The following ZNF350 variants were observed in gnomAD, a reference collection of about 807,000 sequenced individuals.
ZNF350 encodes the protein zinc finger protein 350.
ZNF350 carries 5 observed loss-of-function variants against 13.1 expected under a neutral mutation model. The observed-to-expected ratio is 0.38, with a 90% CI of 0.20 to 0.80. The LOEUF is 0.80. ZNF350 is among the 30% of genes least tolerant of loss of function. The probability of loss-of-function intolerance (pLI) is 0.43; values close to 1 mark genes in which losing one functional copy is unlikely to be tolerated. For missense variants in ZNF350, 534 were observed against 644.2 expected (o/e 0.83, Z 1.85); for synonymous variants, 199 against 224.2 (o/e 0.89, Z 1.00).
In ZNF350 at chr19:51,974,124, G is replaced by A. The variant is rs1280551824; in HGVS notation, c.15+222C>T. On this transcript the variant is annotated intron_variant, in intron 2 of 4. Transcript: ENST00000243644. ...ATAATCCACAGGATCCTCCAGCCAT[G>A]CATGGTGTCACAAAATTCATAATTT... is the stretch of plus-strand genomic sequence containing the variant. 7 of 442,258 alleles carry A rather than the reference G, an allele frequency of 1.6e-5. No homozygotes were observed. The East Asian group carries it at 2.1e-4, about 13-fold the overall frequency. 27.4% of individuals were successfully genotyped at this position (442,258 alleles called of 1,614,324 possible).
intron 3 of ZNF350, 62 bp from the exon 4 acceptor site, chr19:51,968,735 G>A: frequency 6.5e-7 from 1 of 1,533,482 alleles, no homozygotes; most frequent in African/African-American, 1.4e-5. Flanking sequence ...TGTCAAGAAG[G>A]AAGAATGTTA....
chr19:51,966,424 C>T (rs568339843), intron 4 of ZNF350, among the ~76,000 whole-genome samples: 274 of 151,896 alleles, frequency 1.8e-3, no homozygotes, highest in Non-Finnish European at 3.3e-3. Context: ...GCTGGGATTA[C>T]AGGTGCCTGC....
chr19:51,985,208 C>T (rs939384749), intron 1 of ZNF350, among the ~76,000 whole-genome samples: 3 of 152,100 alleles, frequency 2.0e-5, no homozygotes, highest in African/African-American at 7.2e-5. Flanking sequence ...CCATACCAAA[C>T]AGTTTACCTC....
chr19:51,965,249 A>T lies in ZNF350; in HGVS notation c.1204T>A (p.Tyr402Asn). Reference sequence around the variant, plus strand: ...GCTTTCCCACACTCGTTACAGCCATAGGGTCTCTCTCCTGTATGAGTCCTT... The same window carrying T: ...GCTTTCCCACACTCGTTACAGCCATTGGGTCTCTCTCCTGTATGAGTCCTT... ...HQRTHTGERPYGCNECGKAFA... is the reference protein window; with the variant it reads ...HQRTHTGERPNGCNECGKAFA... Residue 402 changes from tyrosine to asparagine, a missense_variant, in exon 5 of 5, where the codon TAT (tyrosine) becomes AAT (asparagine). By Grantham distance (143) the Tyr-to-Asn change is moderately radical. Transcript: ENST00000243644. 6.2e-7 allele frequency: 1 copy of T among 1,614,190 alleles called. No homozygotes were observed. The highest frequency in any genetic ancestry group is 1.1e-5 in the South Asian group (1 of 91,086).
At chr19:51,979,322 C>A (rs900810529) in intron 1 of ZNF350, among the ~76,000 whole-genome samples, 1 of 152,134 alleles carries the variant, frequency 6.6e-6, no homozygotes, top group African/African-American at 2.4e-5. Flanking sequence ...TCCCAATCCC[C>A]CAGCAGTATG....
Position 51,964,818 on chromosome 19 carries a change from G to C in ZNF350, c.*36C>G. 1 of 1,569,908 alleles carries C rather than the reference G, an allele frequency of 6.4e-7. No homozygotes were observed. The highest frequency in any genetic ancestry group is 8.6e-7 in the Non-Finnish European group (1 of 1,156,536). On this transcript the variant is annotated 3_prime_UTR_variant, in exon 5 of 5. Transcript: ENST00000243644. Reference sequence around the variant, plus strand: ...GCCACATAATGAACTACAAATTTTTGCTCAACCCTTTTCCACATAGATCTG... The same window carrying C: ...GCCACATAATGAACTACAAATTTTTCCTCAACCCTTTTCCACATAGATCTG...
In ZNF350 at chr19:51,965,273, T is replaced by C. The variant is rs1046484041; in HGVS notation, c.1180A>G (p.Arg394Gly). 3 of 1,614,072 alleles carry C rather than the reference T, an allele frequency of 1.9e-6. No individual in the cohort carries two copies. Among genetic ancestry groups the C allele is most frequent in the Non-Finnish European group, 2.5e-6 (3 of 1,179,920 alleles). The change falls in exon 5 of 5, where the codon AGG becomes GGG. Residue 394 changes from arginine to glycine, a missense_variant. Transcript: ENST00000243644. ...TAGGGTCTCTCTCCTGTATGAGTCC[T>C]TTGATGGACAATGAGCTTTTGCTTT... ...STKQKLIVHQ[R>G]THTGERPYGC...
intron 1 of ZNF350, among the ~76,000 whole-genome samples, chr19:51,979,867 TC>T (rs1481032561): frequency 2.0e-5 from 3 of 152,196 alleles, no homozygotes; most frequent in African/African-American, 7.2e-5. Context: ...CAGAATCCAA[TC>T]CCAGTCTGCT....
chr19:51,969,182 A>G, intron 2 of ZNF350, 51 bp from the exon 3 acceptor site: 2 of 1,590,534 alleles, frequency 1.3e-6, no homozygotes. Flanking sequence ...ATGATGTGGA[A>G]GAAATGCTAA....
chr19:51,978,329 C>T (rs1305223229), intron 1 of ZNF350, among the ~76,000 whole-genome samples: 3 of 152,020 alleles, frequency 2.0e-5, no homozygotes, highest in African/African-American at 7.3e-5. Context: ...GGACCTTTAC[C>T]GACAGGATAC....
At chr19:51,973,351 A>G (rs2122908484) in intron 2 of ZNF350, 1 of 152,120 alleles carries the variant, frequency 6.6e-6, no homozygotes, top group South Asian at 2.1e-4. Context: ...TCAGGTTTTA[A>G]CTTTAGCCTC....
intron 2 of ZNF350, 143 bp downstream of exon 2, chr19:51,974,203 G>C: frequency 5.0e-6 from 4 of 797,680 alleles, no homozygotes; most frequent in Non-Finnish European, 7.8e-6. Context: ...GCATGATATT[G>C]AGTTTAAAAA....
chr19:51,964,842 T>C lies in ZNF350; in HGVS notation c.*12A>G, dbSNP rs751371283. On this transcript the variant is annotated 3_prime_UTR_variant, in exon 5 of 5. Transcript: ENST00000243644. ...TGCTCAACCCTTTTCCACATAGATC[T>C]GAGTTTTCTTCCTATGGGTTTTCTG... is the stretch of plus-strand genomic sequence containing the variant. The C allele has an allele frequency of 1.9e-6, 3 of 1,597,554 alleles. No homozygotes were observed. The highest frequency in any genetic ancestry group is 2.2e-5 in the East Asian group (1 of 44,594).
intron 1 of ZNF350, among the ~76,000 whole-genome samples, chr19:51,985,835 T>A (rs1230375267): frequency 6.6e-6 from 1 of 151,958 alleles, no homozygotes; most frequent in African/African-American, 2.4e-5. Flanking sequence ...GGTAAAACCC[T>A]GTCTCTACTA....
intron 2 of ZNF350, 107 bp from the exon 3 acceptor site, chr19:51,969,238 A>T: frequency 7.3e-7 from 1 of 1,373,430 alleles, no homozygotes; most frequent in South Asian, 1.4e-5. Flanking sequence ...GCATATACCA[A>T]ATAGTTTTTT....
chr19:51,979,815 G>T (rs1373275851), intron 1 of ZNF350, among the ~76,000 whole-genome samples: 1 of 152,234 alleles, frequency 6.6e-6, no homozygotes, highest in Non-Finnish European at 1.5e-5. Flanking sequence ...AACTTCACTG[G>T]CATTGGCGGC....
chr19:51,979,397 C>T (rs565326716), intron 1 of ZNF350, among the ~76,000 whole-genome samples: 5 of 152,220 alleles, frequency 3.3e-5, no homozygotes, highest in Non-Finnish European at 7.4e-5. Context: ...GCTCCAGGAC[C>T]CCTAACTCCC....
chr19:51,973,885 G>T (rs932523083), intron 2 of ZNF350: 2 of 157,238 alleles, frequency 1.3e-5, no homozygotes, highest in Admixed American at 1.2e-4. Flanking sequence ...ACCTGCATCT[G>T]AATTTATGAG....
intron 1 of ZNF350, among the ~76,000 whole-genome samples, chr19:51,975,508 TAAC>T (rs1003174247): frequency 2.3e-5 from 3 of 129,492 alleles, no homozygotes; most frequent in African/African-American, 5.9e-5. Flanking sequence ...GGAAATGTAA[TAAC>T]AAGAAATTCA....
Sources: gnomAD v4.1 joint callset for allele counts (sites outside exome capture counted in the v4.1 genomes callset) on GRCh38, gnomAD v4.1.1 for gene constraint, MANE v1.5 for transcripts, NCBI Gene and HGNC (gene_info 2026-07-23, HGNC 2026-07-21) for gene names.